The following SLC22A4 variants were observed in gnomAD, a reference collection of about 807,000 sequenced individuals.
SLC22A4 encodes the protein ET transporter.
Under a neutral mutation model 56.6 loss-of-function variants are expected in SLC22A4, and 39 were observed. The ratio of observed to expected loss-of-function variants is 0.69; its 90% CI spans 0.53 to 0.90. The LOEUF is 0.90. SLC22A4 is among the 40% of genes least tolerant of loss of function. The probability of loss-of-function intolerance (pLI) is 0.00; values close to 1 mark genes in which losing one functional copy is unlikely to be tolerated. For missense variants in SLC22A4, 594 were observed against 696.5 expected (o/e 0.85, Z 1.66); for synonymous variants, 241 against 281.4 (o/e 0.86, Z 1.44).
chr5:132,308,555 A>C (rs1005644512), intron 1 of SLC22A4, among the ~76,000 whole-genome samples: 21 of 152,002 alleles, frequency 1.4e-4, no homozygotes, highest in African/African-American at 5.1e-4. Context: ...TGAGCACTCC[A>C]CACACTGTTA....
Position 132,322,324 on chromosome 5 carries a change from G to C in SLC22A4, c.793G>C (p.Val265Leu). The C allele has an allele frequency of 6.2e-7, 1 of 1,613,822 alleles. No individual in the cohort carries two copies. Among genetic ancestry groups the C allele is most frequent in the Non-Finnish European group, 8.5e-7 (1 of 1,179,962 alleles). The change falls in exon 4 of 10, where the codon GTG becomes CTG. Residue 265 changes from valine (V) to leucine (L), a missense_variant. Coordinates refer to ENST00000200652, the MANE Select transcript of SLC22A4 (RefSeq NM_003059.3). ...GCGGATGCTGCTGCTGGCGCTGACG[G>C]TGCCGGGAGTGCTGTGTGTCCCGCT... ...DWRMLLLALT[V>L]PGVLCVPLWW...
chr5:132,294,538 A>G lies in SLC22A4; in HGVS notation c.-79A>G. The G allele has an allele frequency of 6.3e-7, 1 of 1,599,084 alleles. No individual in the cohort carries two copies. The highest frequency in any genetic ancestry group is 1.3e-5 in the African/African-American group (1 of 74,712). On this transcript the variant is annotated 5_prime_UTR_variant, in exon 1 of 10. Transcript: ENST00000200652. This position sits in a 1 kb window ranked among gnomAD's most constrained non-coding sequence, Gnocchi z 5.6. The stretch of plus-strand genomic sequence containing the variant: ...CGGGAACGTTCTAACATCCTTGGGG[A>G]GCGCCCCAGCTACAAGACACTGTCC...
intron 3 of SLC22A4, among the ~76,000 whole-genome samples, chr5:132,316,463 C>T (rs1166541050): frequency 2.0e-5 from 3 of 152,184 alleles, no homozygotes; most frequent in Non-Finnish European, 2.9e-5. Context: ...TGCCCTCCAC[C>T]TGTCAATAGC....
rs72557991 is a variant in SLC22A4 at position 132,294,402 on chromosome 5, A to G, written c.-215A>G. Reference sequence around the variant, plus strand: ...GATGGGGGTGTGGTCCCAAGTGTACAGTGGCATCAAGCTCAGCGCGAGCTC... The same window carrying G: ...GATGGGGGTGTGGTCCCAAGTGTACGGTGGCATCAAGCTCAGCGCGAGCTC... On this transcript the variant is annotated 5_prime_UTR_variant, in exon 1 of 10. Coordinates refer to ENST00000200652, the MANE Select transcript of SLC22A4 (RefSeq NM_003059.3). This position sits in a 1 kb window ranked among gnomAD's most constrained non-coding sequence, Gnocchi z 5.6. 1.5e-4 allele frequency: 94 copies of G among 637,826 alleles called. 2 individuals carry two copies. Among genetic ancestry groups the G allele is most frequent in the African/African-American group, 1.4e-3 (75 of 54,960 alleles). 39.5% of individuals were successfully genotyped at this position (637,826 alleles called of 1,614,324 possible).
At position 132,334,796 on chromosome 5, in the gene SLC22A4, CCT is replaced by C; in HGVS notation, c.1130_1131del (p.Ser377CysfsTer4). ...ATGGAGATGCCTACCTGAACTGTTT[CCT>C]CTCTGCCTTGATTGAAATTCCAGCT... Reference protein sequence around the residue: ...LHGDAYLNCFLSALIEIPAYI... With the variant: ...LHGDAYLNCFXSALIEIPAYI... On this transcript the variant is annotated frameshift_variant, in exon 7 of 10. Transcript: ENST00000200652. LOFTEE classifies it high-confidence loss of function. 1 of 1,614,080 alleles carries C rather than the reference CCT, an allele frequency of 6.2e-7. No homozygotes were observed. Among genetic ancestry groups the C allele is most frequent in the Non-Finnish European group, 8.5e-7 (1 of 1,179,932 alleles).
chr5:132,342,395 T>C (rs1751246127), intron 9 of SLC22A4, among the ~76,000 whole-genome samples: 1 of 152,198 alleles, frequency 6.6e-6, no homozygotes, highest in Non-Finnish European at 1.5e-5. Flanking sequence ...AATGCAAAAA[T>C]AAAACAATTC....
intron 8 of SLC22A4, 113 bp downstream of exon 8, chr5:132,336,113 G>A (rs1751019733): frequency 5.6e-6 from 6 of 1,078,792 alleles, no homozygotes; most frequent in Non-Finnish European, 7.0e-6. Flanking sequence ...AAAAGTACAA[G>A]TTCACCTCTC....
chr5:132,312,896 C>T (rs1333768106), intron 2 of SLC22A4, among the ~76,000 whole-genome samples: 1 of 152,230 alleles, frequency 6.6e-6, no homozygotes, highest in Non-Finnish European at 1.5e-5. Flanking sequence ...CCCAAGCCAA[C>T]AGCCAGAGAC....
intron 1 of SLC22A4, among the ~76,000 whole-genome samples, chr5:132,301,000 C>G (rs114620601): frequency 0.011 from 1,654 of 152,366 alleles, 19 homozygotes; most frequent in Non-Finnish European, 0.016. Flanking sequence ...GCCAAGACCT[C>G]AGAGAGAAGA....
chr5:132,305,517 C>T (rs1199979212), intron 1 of SLC22A4, among the ~76,000 whole-genome samples: 1 of 152,026 alleles, frequency 6.6e-6, no homozygotes, highest in Admixed American at 6.5e-5. Flanking sequence ...AAAAAAGAGA[C>T]AAAAACGAAG....
At chr5:132,334,656 C>A (rs1750966250) in intron 6 of SLC22A4, 62 bp from the exon 7 acceptor site, 2 of 1,142,766 alleles carry the variant, frequency 1.8e-6, no homozygotes, top group African/African-American at 3.0e-5. Context: ...AATTTCTTGA[C>A]CATCATAAAA....
At chr5:132,313,525 C>T in intron 2 of SLC22A4, 89 bp from the exon 3 acceptor site, 1 of 1,224,810 alleles carries the variant, frequency 8.2e-7, no homozygotes. Context: ...TGAAAAAACA[C>T]TAAGTCTGCA....
chr5:132,328,135 G>A (rs1461416176), intron 5 of SLC22A4, among the ~76,000 whole-genome samples: 1 of 152,200 alleles, frequency 6.6e-6, no homozygotes, highest in Middle Eastern at 3.2e-3. Flanking sequence ...GAGACACTGT[G>A]TGCCAGCAAT....
At chr5:132,328,825 AT>A (rs1750759494) in intron 5 of SLC22A4, among the ~76,000 whole-genome samples, 2 of 18,502 alleles carry the variant, frequency 1.1e-4, no homozygotes, top group South Asian at 1.3e-3. Context: ...CAGTGCCTTT[AT>A]ATATATATAT....
At chr5:132,338,277 G>A (rs1187310402) in intron 8 of SLC22A4, among the ~76,000 whole-genome samples, 3 of 152,150 alleles carry the variant, frequency 2.0e-5, no homozygotes, top group Non-Finnish European at 4.4e-5. Flanking sequence ...TTCAAAAGGG[G>A]AGGGAGTGTA....
intron 1 of SLC22A4, among the ~76,000 whole-genome samples, chr5:132,296,225 T>G (rs1749773583): frequency 6.6e-6 from 1 of 152,182 alleles, no homozygotes; most frequent in East Asian, 1.9e-4. Context: ...TAGGCAAGAG[T>G]ATGGGAAATT....
At position 132,308,608 on chromosome 5, in the gene SLC22A4, A is replaced by G. The variant is rs556877987; in HGVS notation, c.394-3553A>G. Reference sequence around the variant, plus strand: ...CCCTTTACTATAGGGAGCCATGGGAAGCGGCACATCCTTCTATGCCAAGAG... The same window carrying G: ...CCCTTTACTATAGGGAGCCATGGGAGGCGGCACATCCTTCTATGCCAAGAG... On this transcript the variant is annotated intron_variant, in intron 1 of 9. Coordinates refer to ENST00000200652, the MANE Select transcript of SLC22A4 (RefSeq NM_003059.3). Among the ~76,000 whole-genome samples, 5 of 152,074 alleles carry G rather than the reference A, an allele frequency of 3.3e-5. No homozygotes were observed. The South Asian group carries it at 8.3e-4, about 25-fold the overall frequency.
chr5:132,325,514 G>T (rs1750664760), intron 4 of SLC22A4, among the ~76,000 whole-genome samples: 1 of 152,078 alleles, frequency 6.6e-6, no homozygotes, highest in African/African-American at 2.4e-5. Context: ...ATGCAAACTA[G>T]GCTCATTTTT....
intron 6 of SLC22A4, among the ~76,000 whole-genome samples, chr5:132,333,753 G>C (rs1053105990): frequency 2.0e-5 from 3 of 152,142 alleles, no homozygotes. Flanking sequence ...TTAGAAAAAT[G>C]GGGGTACTCA....
Sources: allele counts gnomAD v4.1 joint callset (sites outside exome capture counted in the v4.1 genomes callset), GRCh38; gene constraint gnomAD v4.1.1; non-coding constraint Gnocchi (gnomAD v3.1); transcripts MANE v1.5; gene names NCBI Gene and HGNC (gene_info 2026-07-23, HGNC 2026-07-21).